The following POU6F2 variants were observed in gnomAD, a reference collection of about 807,000 sequenced individuals.
The protein encoded by POU6F2 is POU class 6 homeobox 2, also known as POU domain, class 6, transcription factor 2.
A neutral mutation model predicts 71.3 loss-of-function variants in POU6F2; 31 were observed. The ratio of observed to expected loss-of-function variants is 0.43; its 90% CI spans 0.33 to 0.59. POU6F2 has a LOEUF of 0.59. POU6F2 is among the 20% of genes least tolerant of loss of function. POU6F2 has a pLI of 0.04. For missense variants in POU6F2, 783 were observed against 856.8 expected, an observed-to-expected ratio of 0.91 and a Z score of 1.07; for synonymous variants, 347 against 355.7, an observed-to-expected ratio of 0.98 and a Z score of 0.27.
chr7:39,394,786 T>C (rs1409431660), intron 5 of POU6F2, among the ~76,000 whole-genome samples: 1 of 152,000 alleles, frequency 6.6e-6, no homozygotes, highest in Non-Finnish European at 1.5e-5. Flanking sequence ...CCCTCCTCTT[T>C]CCCCCACTGA....
At chr7:39,318,313 C>A (rs1001289138) in intron 4 of POU6F2, among the ~76,000 whole-genome samples, 1 of 152,186 alleles carries the variant, frequency 6.6e-6, no homozygotes. Context: ...CTGCCAATTC[C>A]TCAGCCCACT....
At chr7:39,417,212 G>A (rs897087128) in intron 6 of POU6F2, among the ~76,000 whole-genome samples, 11 of 152,288 alleles carry the variant, frequency 7.2e-5, no homozygotes, top group Admixed American at 2.0e-4. Context: ...TAAACATTCA[G>A]TATATCATTT....
chr7:39,426,262 G>A (rs1037015556), intron 6 of POU6F2, among the ~76,000 whole-genome samples: 24 of 152,262 alleles, frequency 1.6e-4, no homozygotes, highest in Middle Eastern at 3.4e-3. Context: ...AACTCTTGGG[G>A]GCACTTTCAT....
intron 4 of POU6F2, among the ~76,000 whole-genome samples, chr7:39,254,015 GGAGAGTGTCCATTGATCTCTGCTTCCT>G (rs1375491775): frequency 2.0e-5 from 3 of 152,102 alleles, no homozygotes; most frequent in Non-Finnish European, 4.4e-5. Context: ...ATCAGTACAA[GGAGAGTGTCCATTGATCTCTGCTTCCT>G]TCTGTCATTG....
At chr7:39,386,193 T>C (rs1315542915) in intron 5 of POU6F2, among the ~76,000 whole-genome samples, 2 of 151,746 alleles carry the variant, frequency 1.3e-5, no homozygotes, top group Non-Finnish European at 2.9e-5. Flanking sequence ...CCCGTGGGGC[T>C]GCCAGAGATG....
chr7:39,304,316 C>G (rs1471192090), intron 4 of POU6F2, among the ~76,000 whole-genome samples: 4 of 152,156 alleles, frequency 2.6e-5, no homozygotes, highest in Non-Finnish European at 5.9e-5. Context: ...CAGAAACAGT[C>G]TCTGGAGAGC....
chr7:39,253,838 C>T (rs1012611546), intron 4 of POU6F2, among the ~76,000 whole-genome samples: 12 of 152,116 alleles, frequency 7.9e-5, no homozygotes, highest in African/African-American at 2.7e-4. Context: ...TGCTTCTTTA[C>T]GATAGCCAAA....
intron 5 of POU6F2, among the ~76,000 whole-genome samples, chr7:39,405,266 A>G (rs1231810292): frequency 6.6e-6 from 1 of 152,194 alleles, no homozygotes; most frequent in East Asian, 1.9e-4. Flanking sequence ...TCTTCATAAG[A>G]TAGTATAATC....
chr7:39,147,574 G>T (rs1289059026), intron 2 of POU6F2, among the ~76,000 whole-genome samples: 3 of 152,128 alleles, frequency 2.0e-5, no homozygotes, highest in African/African-American at 4.8e-5. Flanking sequence ...CCCAGGCCAG[G>T]GTAGGTTCTC....
intron 4 of POU6F2, among the ~76,000 whole-genome samples, chr7:39,222,070 G>A (rs184839931): frequency 6.6e-6 from 1 of 152,134 alleles, no homozygotes; most frequent in African/African-American, 2.4e-5. Context: ...TAAAAGCCTA[G>A]GCATCCACAC....
intron 5 of POU6F2, among the ~76,000 whole-genome samples, chr7:39,358,379 T>C (rs1786303305): frequency 6.6e-6 from 1 of 152,198 alleles, no homozygotes; most frequent in Non-Finnish European, 1.5e-5. Flanking sequence ...GATGGGTCCA[T>C]GTGACCTAAT....
chr7:39,130,663 C>CA (rs11427906), intron 2 of POU6F2, among the ~76,000 whole-genome samples: 125,864 of 152,158 alleles, frequency 0.83, 52,283 homozygotes, highest in East Asian at 1. Context: ...CTCAGAAGAA[C>CA]ACTTTTAAAA....
chr7:39,365,227 A>C (rs1786475110), intron 5 of POU6F2, among the ~76,000 whole-genome samples: 1 of 152,180 alleles, frequency 6.6e-6, no homozygotes, highest in Non-Finnish European at 1.5e-5. Flanking sequence ...TTGGAAATAA[A>C]CCCAAATACT....
At chr7:39,333,357 G>A (rs746716634) in intron 4 of POU6F2, among the ~76,000 whole-genome samples, 1 of 152,136 alleles carries the variant, frequency 6.6e-6, no homozygotes, top group Non-Finnish European at 1.5e-5. Context: ...AGAACACTGG[G>A]TGATTTCCAG....
intron 6 of POU6F2, among the ~76,000 whole-genome samples, chr7:39,428,389 C>G (rs1342945935): frequency 1.1e-4 from 17 of 152,210 alleles, no homozygotes; most frequent in Admixed American, 1.1e-3. Flanking sequence ...ATTACAATTA[C>G]TGGTATGGGC....
intron 4 of POU6F2, among the ~76,000 whole-genome samples, chr7:39,245,288 A>G (rs1302110530): frequency 6.6e-6 from 1 of 152,194 alleles, no homozygotes; most frequent in Admixed American, 6.5e-5. Context: ...ACTTGACCCA[A>G]GTAGAATTTT....
chr7:39,168,111 T>G (rs919398423), intron 2 of POU6F2, among the ~76,000 whole-genome samples: 14 of 152,322 alleles, frequency 9.2e-5, no homozygotes, highest in Middle Eastern at 6.8e-3. Context: ...GTAATACAAT[T>G]TATTAGATCT....
At chr7:39,308,425 G>A (rs1464928777) in intron 4 of POU6F2, among the ~76,000 whole-genome samples, 5 of 152,196 alleles carry the variant, frequency 3.3e-5, no homozygotes. Flanking sequence ...CCCATGAGGG[G>A]CCCTGGGACG....
At chr7:39,039,672 G>C (rs1790140299) in intron 1 of POU6F2, among the ~76,000 whole-genome samples, 1 of 151,696 alleles carries the variant, frequency 6.6e-6, no homozygotes, top group African/African-American at 2.4e-5. Flanking sequence ...TGAGTTGATA[G>C]TCGCAAATAA....
Sources: allele counts gnomAD v4.1 joint callset (sites outside exome capture counted in the v4.1 genomes callset), GRCh38; gene constraint gnomAD v4.1.1; transcripts MANE v1.5; gene names NCBI Gene and HGNC (gene_info 2026-07-23, HGNC 2026-07-21).